The following TMC5 variants were observed in gnomAD, a reference collection of about 807,000 sequenced individuals.
TMC5 encodes transmembrane channel like 5.
A neutral mutation model predicts 110.5 loss-of-function variants in TMC5; 86 were observed. The observed-to-expected ratio is 0.78, with a 90% CI of 0.65 to 0.93. TMC5 has a LOEUF of 0.93. Ranked by LOEUF, TMC5 falls within the 40% of genes least tolerant of loss-of-function variation. The pLI, the probability that TMC5 is intolerant of heterozygous loss-of-function variation, is 0.00. For synonymous variants in TMC5, 455 were observed against 439.5 expected, an observed-to-expected ratio of 1.04 and a Z score of -0.44; for missense variants, 1,144 against 1,222.8, an observed-to-expected ratio of 0.94 and a Z score of 0.96.
In TMC5 at chr16:19,477,028, C is replaced by T. The variant is rs534660076; in HGVS notation, c.2091-412C>T. On this transcript the variant is annotated intron_variant, in intron 12 of 21. Coordinates refer to ENST00000542583, the MANE Select transcript of TMC5 (RefSeq NM_001261841.2). Reference sequence around the variant, plus strand: ...TTGGGAGGCCGAGGCGGGTGGATCACGAGGTCAGGAGATCGAGACCATCCT... The same window carrying T: ...TTGGGAGGCCGAGGCGGGTGGATCATGAGGTCAGGAGATCGAGACCATCCT... The T allele has an allele frequency of 1.1e-3, 217 of 189,938 alleles. 1 individual carries two copies. The highest frequency in any genetic ancestry group is 4.0e-3 in the Admixed American group (73 of 18,322). 11.8% of individuals were successfully genotyped at this position (189,938 alleles called of 1,614,324 possible).
chr16:19,472,036 C>T, intron 10 of TMC5, 52 bp from the exon 11 acceptor site: 1 of 1,572,284 alleles, frequency 6.4e-7, no homozygotes, highest in Non-Finnish European at 8.7e-7. Flanking sequence ...GCTGGGATTA[C>T]AGGCGTGAGC....
In TMC5 at chr16:19,469,771, C is replaced by A; in HGVS notation, c.1728C>A (p.Val576=). The change falls in exon 10 of 22, where the codon GTC becomes GTA. Residue 576 remains valine (V), a synonymous_variant. Transcript: ENST00000542583. Reference sequence around the variant, plus strand: ...TGATCTTTTGCTGGGACTTCACTGTCACTCATGAAAAAGCTGTGAAGCTAA... The same window carrying A: ...TGATCTTTTGCTGGGACTTCACTGTAACTCATGAAAAAGCTGTGAAGCTAA... The part of the protein sequence containing the change: ...TKLIFCWDFT[V]THEKAVKLKQ... 1 of 1,614,182 alleles carries A rather than the reference C, an allele frequency of 6.2e-7. No individual in the cohort carries two copies. Among genetic ancestry groups the A allele is most frequent in the Non-Finnish European group, 8.5e-7 (1 of 1,180,012 alleles).
Position 19,463,937 on chromosome 16 carries a change from G to A in TMC5, c.1398G>A (p.Leu466=). The A allele has an allele frequency of 1.2e-6, 2 of 1,614,132 alleles. No homozygotes were observed. Among genetic ancestry groups the A allele is most frequent in the Non-Finnish European group, 1.7e-6 (2 of 1,180,016 alleles). ...AGTTCAACATTTTCTCATTCATCCT[G>A]AACTTCAGCTTCATCATAATCCCTC... ...LLKFNIFSFI[L]NFSFIIIPQF... Residue 466 remains leucine, a synonymous_variant, in exon 8 of 22, where the codon CTG becomes CTA. Coordinates refer to ENST00000542583, the MANE Select transcript of TMC5 (RefSeq NM_001261841.2).
chr16:19,479,717 G>T (rs538719047), intron 14 of TMC5, among the ~76,000 whole-genome samples, 189 bp downstream of exon 14: 1 of 152,230 alleles, frequency 6.6e-6, no homozygotes, highest in Admixed American at 6.5e-5. Flanking sequence ...CAGTTCTGTT[G>T]TCATAGTTCA....
At chr16:19,417,780 A>T (rs1966892057), upstream of TMC5, 1 of 152,128 alleles carries the variant, frequency 6.6e-6, no homozygotes, top group Non-Finnish European at 1.5e-5. Flanking sequence ...GAGGTGGAAG[A>T]CTGATTTGCA....
At chr16:19,470,183 C>T (rs1476000650) in intron 10 of TMC5, among the ~76,000 whole-genome samples, 1 of 146,928 alleles carries the variant, frequency 6.8e-6, no homozygotes, top group African/African-American at 2.6e-5. Context: ...CGTAAGCCAC[C>T]GCGCCCAGCT....
intron 5 of TMC5, among the ~76,000 whole-genome samples, chr16:19,454,476 A>T (rs1195962842): frequency 6.6e-6 from 1 of 152,152 alleles, no homozygotes; most frequent in Non-Finnish European, 1.5e-5. Context: ...TTTGTGACAA[A>T]TTATTTCATG....
chr16:19,491,867 A>G (rs1968916573), intron 18 of TMC5, among the ~76,000 whole-genome samples: 1 of 151,736 alleles, frequency 6.6e-6, no homozygotes, highest in South Asian at 2.1e-4. Context: ...AACTTATTCT[A>G]TTAAGAAAGC....
intron 15 of TMC5, among the ~76,000 whole-genome samples, chr16:19,482,956 C>T (rs749705222): frequency 1.4e-4 from 21 of 152,046 alleles, no homozygotes; most frequent in South Asian, 8.3e-4. Flanking sequence ...CTCCACCTCC[C>T]GGGTTCAAGC....
chr16:19,470,832 G>A (rs1298088345), intron 10 of TMC5, among the ~76,000 whole-genome samples: 1 of 148,112 alleles, frequency 6.8e-6, no homozygotes, highest in African/African-American at 2.5e-5. Flanking sequence ...AGGAGTTCAC[G>A]ACCAGCTTGG....
At chr16:19,493,977 G>T (rs1349685073) in intron 19 of TMC5, among the ~76,000 whole-genome samples, 1 of 152,114 alleles carries the variant, frequency 6.6e-6, no homozygotes, top group Non-Finnish European at 1.5e-5. Context: ...GACGTGGCAT[G>T]TAAGTTGCTT....
chr16:19,445,061 G>A (rs1174437934), intron 4 of TMC5, among the ~76,000 whole-genome samples: 17 of 152,110 alleles, frequency 1.1e-4, no homozygotes, highest in South Asian at 2.1e-4. Flanking sequence ...CCCAGGAGGC[G>A]GAGGTTGCAG....
At chr16:19,454,041 C>T (rs1967809161) in intron 5 of TMC5, among the ~76,000 whole-genome samples, 1 of 151,816 alleles carries the variant, frequency 6.6e-6, no homozygotes, top group Non-Finnish European at 1.5e-5. Context: ...AATGATACAC[C>T]AGCATCTTTT....
At chr16:19,490,732 TTCCTTCC>T (rs1968867779) in intron 18 of TMC5, among the ~76,000 whole-genome samples, 164 bp downstream of exon 18, 1 of 59,402 alleles carries the variant, frequency 1.7e-5, no homozygotes, top group Non-Finnish European at 6.2e-5. Flanking sequence ...CCTTCCTTCC[TTCCTTCC>T]TTCCTTCCTT....
At position 19,484,770 on chromosome 16, in the gene TMC5, GA is replaced by G. The variant is rs79947486; in HGVS notation, c.2364-2159del. Reference sequence around the variant, plus strand: ...TAGAACGACACTCCGTCTCAAAAAGGAAAAAAAAAAAAAAAAGAAATTACCA... The same window carrying G: ...TAGAACGACACTCCGTCTCAAAAAGGAAAAAAAAAAAAAAAGAAATTACCA... On this transcript the variant is annotated intron_variant, in intron 15 of 21. Transcript: ENST00000542583. Among the ~76,000 whole-genome samples, 420 of 103,872 alleles carry G rather than the reference GA, an allele frequency of 4.0e-3. 2 individuals carry two copies. Among genetic ancestry groups the G allele is most frequent in the Non-Finnish European group, 4.3e-3 (199 of 46,064 alleles). The allele number at this position is 103,872 out of a possible 152,430, so 68.1% of individuals were successfully genotyped here. A position where few individuals can be genotyped will look rare whatever the true frequency, so the allele number is the denominator to read the frequency against.
chr16:19,419,623 A>G (rs936874025), intron 1 of TMC5, among the ~76,000 whole-genome samples: 46 of 152,000 alleles, frequency 3.0e-4, no homozygotes, highest in African/African-American at 1.1e-3. Context: ...CGTGTTAGCC[A>G]GGATGGTCTG....
intron 12 of TMC5, among the ~76,000 whole-genome samples, chr16:19,475,553 A>G (rs11862127): frequency 0.17 from 25,574 of 151,812 alleles, 3,283 homozygotes; most frequent in East Asian, 0.37. Context: ...TTTTCTCCCC[A>G]TCCTTCCTGC....
rs770548168 is a variant in TMC5 at position 19,440,236 on chromosome 16, T to C, written c.198T>C (p.Pro66=). 1.9e-6 allele frequency: 3 copies of C among 1,614,050 alleles called. No homozygotes were observed. In the East Asian group the frequency reaches 6.7e-5, roughly 36 times the overall value. The change falls in exon 3 of 22, where the codon CCT becomes CCC. Residue 66 remains proline, a synonymous_variant. Coordinates refer to ENST00000542583, the MANE Select transcript of TMC5 (RefSeq NM_001261841.2). ...CCTCCAGAACACGTCCAGACTATCCTGGGTCTCTGGCAGAACCAAATTATC... is the reference window on the plus strand; with the variant it reads ...CCTCCAGAACACGTCCAGACTATCCCGGGTCTCTGGCAGAACCAAATTATC... ...SVASRTRPDY[P]GSLAEPNYPR...
rs761938601 is a variant in TMC5 at position 19,497,942 on chromosome 16, T to A, written c.2997T>A (p.Val999=). 2.0e-5 allele frequency: 32 copies of A among 1,613,990 alleles called. 1 individual carries two copies. Among genetic ancestry groups the A allele is most frequent in the South Asian group, 2.0e-4 (18 of 91,080 alleles). The change falls in exon 22 of 22, where the codon GTT becomes GTA. Residue 999 remains valine, a synonymous_variant. Transcript: ENST00000542583. ...GSLDLRSRRS[V]QEGNPRA is the part of the protein sequence containing the mutation. ...TAGACTTGCGATCTAGAAGATCAGT[T>A]CAAGAAGGTAATCCAAGGGCCTGAT...
Sources: gnomAD v4.1 joint callset for allele counts (sites outside exome capture counted in the v4.1 genomes callset) on GRCh38, gnomAD v4.1.1 for gene constraint, MANE v1.5 for transcripts, NCBI Gene and HGNC (gene_info 2026-07-23, HGNC 2026-07-21) for gene names.